TSPEAR: variants seen among roughly 807,000 people sequenced by gnomAD.
TSPEAR encodes thrombospondin type laminin G domain and EAR repeats.
Under a neutral mutation model 71.6 loss-of-function variants are expected in TSPEAR, and 69 were observed. That is an observed-to-expected ratio of 0.96 (90% confidence interval 0.79 to 1.18). TSPEAR has a LOEUF of 1.18. Among genes scored for constraint, TSPEAR ranks in the 50% most tolerant of loss-of-function variants. The pLI, the probability that TSPEAR is intolerant of heterozygous loss-of-function variation, is 0.00. For missense variants in TSPEAR, 971 were observed against 894.9 expected (o/e 1.09, Z -1.09); for synonymous variants, 402 against 387.2 (o/e 1.04, Z -0.45).
At chr21:44,674,524 C>G (rs1986209791) in intron 1 of TSPEAR, among the ~76,000 whole-genome samples, 1 of 152,038 alleles carries the variant, frequency 6.6e-6, no homozygotes. Flanking sequence ...TGAGACCAGC[C>G]CGGGCAACAT....
At chr21:44,592,519 G>A (rs1980051780) in intron 1 of TSPEAR, 1 of 1,579,288 alleles carries the variant, frequency 6.3e-7, no homozygotes, top group Non-Finnish European at 8.6e-7. Context: ...GAGGGAGTGA[G>A]CCTGTGAGGT....
rs1413050936 is a variant in TSPEAR, at chr21:44,687,148, G to T, written c.82+24285C>A. 1.3e-5 allele frequency among the ~76,000 whole-genome samples: 2 copies of T among 152,208 alleles called. No individual in the cohort carries two copies. Among genetic ancestry groups the T allele is most frequent in the African/African-American group, 4.8e-5 (2 of 41,458 alleles). ...CTGGGGAACCTGGTGGCTGCCTTCG[G>T]GTGTCAGAAGGGCTTTCCCCCAGCA... On this transcript the variant is annotated intron_variant, in intron 1 of 11. Coordinates refer to ENST00000323084, the MANE Select transcript of TSPEAR (RefSeq NM_144991.3). This position sits in a 1 kb window ranked among gnomAD's most constrained non-coding sequence, Gnocchi z 4.4.
At chr21:44,698,433 G>A (rs894113736) in intron 1 of TSPEAR, among the ~76,000 whole-genome samples, 4 of 152,160 alleles carry the variant, frequency 2.6e-5, no homozygotes, top group African/African-American at 4.8e-5. Flanking sequence ...TGCCGTCCCC[G>A]CAGGAATGTA....
intron 1 of TSPEAR, chr21:44,574,088 C>A (rs201050632): frequency 3.5e-5 from 56 of 1,607,314 alleles, no homozygotes; most frequent in Admixed American, 6.7e-5. Flanking sequence ...AGGCCTGCTG[C>A]GTGCCCGTCT....
chr21:44,681,660 A>G lies in TSPEAR; in HGVS notation c.82+29773T>C, dbSNP rs1480738721. The G allele has an allele frequency of 5.7e-6, 5 of 878,668 alleles. No individual in the cohort carries two copies. The Admixed American group carries it at 1.2e-4, about 21-fold the overall frequency. 54.4% of individuals were successfully genotyped at this position (878,668 alleles called of 1,614,324 possible). ...CCAGACTTCCCTGGGGGGATAGGCA[A>G]GTTCAGCCAGGGCTCCAGATCATTC... On this transcript the variant is annotated intron_variant, in intron 1 of 11. Coordinates refer to ENST00000323084, the MANE Select transcript of TSPEAR (RefSeq NM_144991.3).
chr21:44,614,006 G>C (rs1428113385), intron 1 of TSPEAR, among the ~76,000 whole-genome samples: 1 of 151,556 alleles, frequency 6.6e-6, no homozygotes, highest in African/African-American at 2.4e-5. Flanking sequence ...CTGCCCAGCG[G>C]CATAGGGACT....
At chr21:44,541,718 G>T (rs1159796915) in intron 2 of TSPEAR, among the ~76,000 whole-genome samples, 1 of 152,202 alleles carries the variant, frequency 6.6e-6, no homozygotes, top group Non-Finnish European at 1.5e-5. Flanking sequence ...TAGGCTTTCA[G>T]TTGGAAATGC....
intron 1 of TSPEAR, among the ~76,000 whole-genome samples, chr21:44,673,217 C>A (rs782397426): frequency 3.3e-5 from 5 of 152,130 alleles, no homozygotes; most frequent in Non-Finnish European, 7.4e-5. Context: ...TCAGCAGAAA[C>A]CTTACAGGTC....
At chr21:44,641,834 T>C (rs1219753584) in intron 1 of TSPEAR, among the ~76,000 whole-genome samples, 2 of 152,210 alleles carry the variant, frequency 1.3e-5, no homozygotes, top group East Asian at 1.9e-4. Flanking sequence ...GACTCTGCTG[T>C]GGCAGGCTTC....
chr21:44,514,987 A>G (rs781951251), intron 9 of TSPEAR, among the ~76,000 whole-genome samples: 1 of 152,064 alleles, frequency 6.6e-6, no homozygotes, highest in Non-Finnish European at 1.5e-5. Flanking sequence ...TCTGGGAGAA[A>G]GTGAGGTCTG....
At position 44,538,422 on chromosome 21, in the gene TSPEAR, G is replaced by GCC. The variant is rs57097547; in HGVS notation, c.304-4501_304-4500dup. ...TCCCTACACCTGTGTGGAAACTGCT[G>GCC]CCCCCCCCCCCCCCAAGAGGAGAAC... On this transcript the variant is annotated intron_variant, in intron 2 of 11. Transcript: ENST00000323084. 1.6e-4 allele frequency among the ~76,000 whole-genome samples: 18 copies of GCC among 113,728 alleles called. No homozygotes were observed. The East Asian group carries it at 2.6e-3, about 16-fold the overall frequency. 74.6% of individuals were successfully genotyped at this position (113,728 alleles called of 152,430 possible).
At chr21:44,663,231 GA>G (rs200452595) in intron 1 of TSPEAR, among the ~76,000 whole-genome samples, 15 of 148,232 alleles carry the variant, frequency 1.0e-4, no homozygotes, top group South Asian at 2.1e-4. Flanking sequence ...ATAATAAAAA[GA>G]AAAAAAAAGA....
At chr21:44,557,674 C>T (rs2053555230) in intron 2 of TSPEAR, 2 of 273,596 alleles carry the variant, frequency 7.3e-6, no homozygotes, top group Admixed American at 4.9e-5. Flanking sequence ...CTGCCTCCGC[C>T]CCTGGTGCTG....
chr21:44,518,081 G>A (rs907717901), intron 9 of TSPEAR, among the ~76,000 whole-genome samples: 1 of 151,978 alleles, frequency 6.6e-6, no homozygotes, highest in Middle Eastern at 3.2e-3. Context: ...TTCTTTTAAT[G>A]CCAGCAATTG....
rs782100854 is a variant in TSPEAR at position 44,612,586 on chromosome 21, A to G, written c.83-44581T>C. The G allele has an allele frequency of 1.2e-6, 2 of 1,613,410 alleles. No homozygotes were observed. The highest frequency in any genetic ancestry group is 1.7e-6 in the Non-Finnish European group (2 of 1,179,948). ...CTTGCTGCACCTTCTCCCCATGCCAACAGGCCTGCTGTGTGCCCATCTGCT... is the reference window on the plus strand; with the variant it reads ...CTTGCTGCACCTTCTCCCCATGCCAGCAGGCCTGCTGTGTGCCCATCTGCT... On this transcript the variant is annotated intron_variant, in intron 1 of 11. Coordinates refer to ENST00000323084, the MANE Select transcript of TSPEAR (RefSeq NM_144991.3). This position sits in a 1 kb window ranked among gnomAD's most constrained non-coding sequence, Gnocchi z 4.1.
intron 1 of TSPEAR, among the ~76,000 whole-genome samples, chr21:44,599,842 G>T (rs370397225): frequency 1.1e-4 from 17 of 152,330 alleles, no homozygotes; most frequent in African/African-American, 4.1e-4. Context: ...CTTTTCACAC[G>T]GCAGTGCTGT....
chr21:44,705,037 G>C (rs9978300), intron 1 of TSPEAR, among the ~76,000 whole-genome samples: 89,920 of 152,038 alleles, frequency 0.59, 27,421 homozygotes, highest in Non-Finnish European at 0.68. Flanking sequence ...TGGAAGTCAG[G>C]GACCCCAAAC....
chr21:44,532,893 C>T (rs1159518765), intron 3 of TSPEAR, among the ~76,000 whole-genome samples: 1 of 152,250 alleles, frequency 6.6e-6, no homozygotes, highest in Non-Finnish European at 1.5e-5. Context: ...TTTCTGTCAA[C>T]ATCTGCTCCC....
At chr21:44,650,193 G>C (rs1298037584) in intron 1 of TSPEAR, among the ~76,000 whole-genome samples, 1 of 150,280 alleles carries the variant, frequency 6.7e-6, no homozygotes, top group Admixed American at 6.7e-5. Flanking sequence ...TCCAGCCTGG[G>C]TGACCAGGCA....
Sources: allele counts gnomAD v4.1 joint callset (sites outside exome capture counted in the v4.1 genomes callset), GRCh38; gene constraint gnomAD v4.1.1; non-coding constraint Gnocchi (gnomAD v3.1); transcripts MANE v1.5; gene names NCBI Gene and HGNC (gene_info 2026-07-23, HGNC 2026-07-21).